PCMT1: variants seen among roughly 807,000 people sequenced by gnomAD.
The protein encoded by PCMT1 is protein-L-isoaspartate (D-aspartate) O-methyltransferase, also known as protein-L-isoaspartate(D-aspartate) O-methyltransferase.
A neutral mutation model predicts 29.2 loss-of-function variants in PCMT1; 9 were observed. That is an observed-to-expected ratio of 0.31 (90% CI 0.19 to 0.54). PCMT1 has a LOEUF of 0.54. Ranked by LOEUF, PCMT1 falls within the 20% of genes least tolerant of loss-of-function variation. The pLI is 0.95. For synonymous variants in PCMT1, 98 were observed against 97.5 expected (o/e 1.00, Z -0.03); for missense variants, 184 against 282.2 (o/e 0.65, Z 2.49).
chr6:149,773,016 G>GAAC, intron 2 of PCMT1, 122 bp from the exon 3 acceptor site: 1 of 423,300 alleles, frequency 2.4e-6, no homozygotes, highest in Non-Finnish European at 3.7e-6. Context: ...GACTGTCTCA[G>GAAC]AAAAAAAAAA....
chr6:149,788,643 T>G (rs1338417413), intron 3 of PCMT1, among the ~76,000 whole-genome samples: 3 of 152,240 alleles, frequency 2.0e-5, no homozygotes, highest in African/African-American at 4.8e-5. Flanking sequence ...AATTGTGGTG[T>G]TAACTTTGAT....
At chr6:149,805,551 G>C (rs958629974) in intron 7 of PCMT1, among the ~76,000 whole-genome samples, 6 of 151,724 alleles carry the variant, frequency 4.0e-5, no homozygotes, top group Admixed American at 1.3e-4. Flanking sequence ...CTGAGATCGC[G>C]CCATTGCACT....
intron 2 of PCMT1, chr6:149,772,743 C>A: frequency 2.7e-6 from 1 of 371,996 alleles, no homozygotes; most frequent in Non-Finnish European, 5.2e-6. Context: ...GAAAGCCGGG[C>A]GTGGTGGCTC....
intron 1 of PCMT1, among the ~76,000 whole-genome samples, chr6:149,770,515 G>A (rs1043682765): frequency 4.6e-5 from 7 of 152,148 alleles, no homozygotes; most frequent in African/African-American, 1.7e-4. Context: ...GGCCAGCCTG[G>A]CTAACACAGT....
At chr6:149,790,530 T>TC (rs1356841206) in intron 4 of PCMT1, among the ~76,000 whole-genome samples, 4 of 151,476 alleles carry the variant, frequency 2.6e-5, no homozygotes, top group African/African-American at 7.3e-5. Context: ...TTTTTTTTTT[T>TC]TTCTTCTTAA....
At chr6:149,790,735 G>T (rs890632133) in intron 4 of PCMT1, among the ~76,000 whole-genome samples, 1 of 152,002 alleles carries the variant, frequency 6.6e-6, no homozygotes, top group Non-Finnish European at 1.5e-5. Flanking sequence ...GGGACCAGAC[G>T]CGGTGGCTCA....
At chr6:149,779,405 T>A (rs921694798) in intron 3 of PCMT1, among the ~76,000 whole-genome samples, 2 of 152,286 alleles carry the variant, frequency 1.3e-5, no homozygotes, top group African/African-American at 4.8e-5. Flanking sequence ...TGGACCCTAG[T>A]CCGACTGCGC....
intron 1 of PCMT1, among the ~76,000 whole-genome samples, chr6:149,757,712 A>G (rs1198305256): frequency 1.3e-5 from 2 of 152,152 alleles, no homozygotes; most frequent in Admixed American, 1.3e-4. Context: ...TCTGTCACCA[A>G]ATATGTTGAA....
chr6:149,772,601 ACTGT>A, intron 2 of PCMT1: 1 of 455,936 alleles, frequency 2.2e-6, no homozygotes, highest in Middle Eastern at 3.3e-4. Context: ...CTTTAGAGGG[ACTGT>A]TTTACTAGAT....
chr6:149,755,970 G>C (rs1210605528), intron 1 of PCMT1, among the ~76,000 whole-genome samples: 3 of 152,150 alleles, frequency 2.0e-5, no homozygotes, highest in African/African-American at 7.2e-5. Flanking sequence ...AGCATTCCAG[G>C]CAGAAGAAAT....
intron 3 of PCMT1, among the ~76,000 whole-genome samples, chr6:149,777,901 A>G (rs530656517): frequency 7.5e-6 from 1 of 132,606 alleles, no homozygotes; most frequent in East Asian, 2.1e-4. Flanking sequence ...TTTTTCCACA[A>G]AGTCTCACTC....
chr6:149,780,342 GAAAA>G lies in PCMT1; in HGVS notation c.192+7184_192+7187del, dbSNP rs970397601. Among the ~76,000 whole-genome samples, 59 of 118,162 alleles carry G rather than the reference GAAAA, an allele frequency of 5.0e-4. 1 individual carries two copies. The South Asian group carries it at 8.2e-3, about 16-fold the overall frequency. 77.5% of individuals were successfully genotyped at this position (118,162 alleles called of 152,430 possible). A position where few individuals can be genotyped will look rare whatever the true frequency, so the allele number is the denominator to read the frequency against. ...AGTGACAGATCAAGACCCTGTCTCAGAAAAAAAAAAAAAAGGTATAATTCTTATA... is the reference window on the plus strand; with the variant it reads ...AGTGACAGATCAAGACCCTGTCTCAGAAAAAAAAAAGGTATAATTCTTATA... On this transcript the variant is annotated intron_variant, in intron 3 of 7. Transcript: ENST00000464889.
chr6:149,776,321 C>T (rs12176218), intron 3 of PCMT1, among the ~76,000 whole-genome samples: 1,458 of 83,110 alleles, frequency 0.018, 21 homozygotes, highest in African/African-American at 0.034. Context: ...GATCTCGGCT[C>T]ACTGCAACCT....
At chr6:149,781,201 TTTG>T (rs1787799174) in intron 3 of PCMT1, among the ~76,000 whole-genome samples, 1 of 39,440 alleles carries the variant, frequency 2.5e-5, no homozygotes, top group Non-Finnish European at 3.6e-5. Flanking sequence ...TTTTTTTTTT[TTTG>T]TTTTTTTTTT....
intron 1 of PCMT1, among the ~76,000 whole-genome samples, chr6:149,765,924 C>T (rs1485607203): frequency 6.6e-6 from 1 of 151,324 alleles, no homozygotes; most frequent in Admixed American, 6.6e-5. Flanking sequence ...GGAGATCGCG[C>T]CACTGAACTC....
chr6:149,793,479 A>G, intron 4 of PCMT1, 70 bp from the exon 5 acceptor site: 2 of 1,330,788 alleles, frequency 1.5e-6, no homozygotes, highest in Non-Finnish European at 1.9e-6. Flanking sequence ...TCGATAAGGA[A>G]AAACTTCAAT....
chr6:149,769,308 CTTTTTTTT>C (rs372773939), intron 1 of PCMT1, among the ~76,000 whole-genome samples: 8 of 71,562 alleles, frequency 1.1e-4, no homozygotes, highest in South Asian at 1.2e-3. Context: ...GTGCAGGATT[CTTTTTTTT>C]TTTTTTTTTT....
chr6:149,755,181 G>A (rs1035207408), intron 1 of PCMT1, among the ~76,000 whole-genome samples: 1 of 152,092 alleles, frequency 6.6e-6, no homozygotes, highest in Admixed American at 6.6e-5. Context: ...TGAGTCAGGA[G>A]GATCGCTTCA....
intron 1 of PCMT1, among the ~76,000 whole-genome samples, chr6:149,756,807 C>G (rs993921380): frequency 1.3e-5 from 2 of 151,438 alleles, no homozygotes; most frequent in Non-Finnish European, 2.9e-5. Flanking sequence ...TGGATAGGTA[C>G]TAGTAAGTAA....
Sources: gnomAD v4.1 joint callset for allele counts (sites outside exome capture counted in the v4.1 genomes callset) on GRCh38, gnomAD v4.1.1 for gene constraint, MANE v1.5 for transcripts, NCBI Gene and HGNC (gene_info 2026-07-23, HGNC 2026-07-21) for gene names.